The following TRIM44 variants were observed in gnomAD, a reference collection of about 807,000 sequenced individuals.
The protein encoded by TRIM44 is tripartite motif containing 44, also known as tripartite motif-containing protein 44.
Under a neutral mutation model 37.4 loss-of-function variants are expected in TRIM44, and 13 were observed. That is an observed-to-expected ratio of 0.35 (90% CI 0.23 to 0.55). TRIM44 has a LOEUF of 0.55. Ranked by LOEUF, TRIM44 falls within the 20% of genes least tolerant of loss-of-function variation. The pLI, the probability that TRIM44 is intolerant of heterozygous loss-of-function variation, is 0.89. For synonymous variants in TRIM44, 175 were observed against 157.2 expected (o/e 1.11, Z -0.85); for missense variants, 426 against 437.2 (o/e 0.97, Z 0.23).
In TRIM44 at chr11:35,817,880, ACTCCCCCT is replaced by A. The variant is rs1853597284; in HGVS notation, c.*11496_*11503del. 6.6e-6 allele frequency: 1 copy of A among 151,682 alleles called. No individual in the cohort carries two copies. The highest frequency in any genetic ancestry group is 1.5e-5 in the Non-Finnish European group (1 of 67,956). The allele number at this position is 151,682 out of a possible 1,614,324, so 9.4% of individuals were successfully genotyped here. A position where few individuals can be genotyped will look rare whatever the true frequency, so the allele number is the denominator to read the frequency against. ...TCTGCTCTGGCCATGTAAAGTGCTC[ACTCCCCCT>A]TTGCCTTCCACCATGATTGTAAGTT... is the stretch of plus-strand genomic sequence containing the variant. On this transcript the variant is annotated 3_prime_UTR_variant, in exon 5 of 5. Transcript: ENST00000299413.
chr11:35,679,053 A>G (rs1278400472), intron 1 of TRIM44, among the ~76,000 whole-genome samples: 1 of 152,110 alleles, frequency 6.6e-6, no homozygotes. Flanking sequence ...AAAACACCCC[A>G]ATACAGATAG....
intron 1 of TRIM44, among the ~76,000 whole-genome samples, chr11:35,675,547 T>C (rs931296871): frequency 6.6e-6 from 1 of 152,120 alleles, no homozygotes; most frequent in African/African-American, 2.4e-5. Context: ...CACACCCCTC[T>C]ATTTTTGTTT....
At position 35,810,929 on chromosome 11, in the gene TRIM44, A is replaced by G. The variant is rs1853521155; in HGVS notation, c.*4544A>G. On this transcript the variant is annotated 3_prime_UTR_variant, in exon 5 of 5. Coordinates refer to ENST00000299413, the MANE Select transcript of TRIM44 (RefSeq NM_017583.6). ...TCAAGGGAATTACACGTTTGGGTTA[A>G]TGTTTCAGTATATCATTTTCATACT... 6.6e-6 allele frequency: 1 copy of G among 152,210 alleles called. No homozygotes were observed. Among genetic ancestry groups the G allele is most frequent in the Non-Finnish European group, 1.5e-5 (1 of 68,034 alleles). The allele number at this position is 152,210 out of a possible 1,614,324, so 9.4% of individuals were successfully genotyped here. A position where few individuals can be genotyped will look rare whatever the true frequency, so the allele number is the denominator to read the frequency against.
intron 4 of TRIM44, among the ~76,000 whole-genome samples, chr11:35,780,086 T>C (rs1853041210): frequency 6.6e-6 from 1 of 152,146 alleles, no homozygotes; most frequent in Non-Finnish European, 1.5e-5. Context: ...TTTAGCTATC[T>C]GGGCTCCTTT....
At chr11:35,672,039 G>A (rs1228148152) in intron 1 of TRIM44, among the ~76,000 whole-genome samples, 1 of 152,108 alleles carries the variant, frequency 6.6e-6, no homozygotes, top group East Asian at 1.9e-4. Context: ...TCTGGCTTAT[G>A]GATTTATTCA....
chr11:35,751,341 T>C (rs902219235), intron 4 of TRIM44, among the ~76,000 whole-genome samples: 3 of 152,212 alleles, frequency 2.0e-5, no homozygotes, highest in Non-Finnish European at 2.9e-5. Context: ...ATCTAACGAA[T>C]AGTAATTTTT....
At chr11:35,757,359 C>T (rs549437775) in intron 4 of TRIM44, among the ~76,000 whole-genome samples, 2 of 152,174 alleles carry the variant, frequency 1.3e-5, no homozygotes, top group Non-Finnish European at 2.9e-5. Flanking sequence ...TCCCCTTTAT[C>T]ATTTTTTATT....
chr11:35,764,598 C>T (rs148130832), intron 4 of TRIM44, among the ~76,000 whole-genome samples: 1 of 152,256 alleles, frequency 6.6e-6, no homozygotes. Flanking sequence ...ACACCATGAC[C>T]TTTGGCAGAA....
chr11:35,815,355 T>C lies in TRIM44; in HGVS notation c.*8970T>C, dbSNP rs1853570223. 1 of 152,152 alleles carries C rather than the reference T, an allele frequency of 6.6e-6. No individual in the cohort carries two copies. The highest frequency in any genetic ancestry group is 6.6e-5 in the Admixed American group (1 of 15,254). The allele number at this position is 152,152 out of a possible 1,614,324, so 9.4% of individuals were successfully genotyped here. A position where few individuals can be genotyped will look rare whatever the true frequency, so the allele number is the denominator to read the frequency against. ...TGGATGGCTGTATCCTAGTATGAAA[T>C]TCAGCTTCTAAGTAGGAAGAACTAT... is the stretch of plus-strand genomic sequence containing the variant. On this transcript the variant is annotated 3_prime_UTR_variant, in exon 5 of 5. Coordinates refer to ENST00000299413, the MANE Select transcript of TRIM44 (RefSeq NM_017583.6).
intron 4 of TRIM44, among the ~76,000 whole-genome samples, chr11:35,750,677 C>T (rs754433953): frequency 6.6e-6 from 1 of 152,060 alleles, no homozygotes; most frequent in Non-Finnish European, 1.5e-5. Context: ...GCTTTTTCTC[C>T]ACTAGATGTT....
chr11:35,759,958 G>A (rs1012684289), intron 4 of TRIM44, among the ~76,000 whole-genome samples: 9 of 152,196 alleles, frequency 5.9e-5, no homozygotes, highest in Admixed American at 5.2e-4. Flanking sequence ...CCCACTTGAG[G>A]CAGTCTGTCT....
intron 4 of TRIM44, among the ~76,000 whole-genome samples, chr11:35,772,291 G>T (rs976137252): frequency 4.6e-5 from 7 of 152,232 alleles, no homozygotes; most frequent in Admixed American, 6.5e-5. Context: ...CAGTGCAGAA[G>T]AGAAATGTGG....
chr11:35,756,848 G>A (rs1306844886), intron 4 of TRIM44, among the ~76,000 whole-genome samples: 2 of 152,178 alleles, frequency 1.3e-5, no homozygotes, highest in Non-Finnish European at 2.9e-5. Flanking sequence ...GCATCCCAGG[G>A]ATGAAGCCCA....
intron 4 of TRIM44, among the ~76,000 whole-genome samples, chr11:35,757,477 G>T (rs553649358): frequency 6.6e-6 from 1 of 152,176 alleles, no homozygotes; most frequent in East Asian, 1.9e-4. Flanking sequence ...TTTTTGAAGG[G>T]TTTTTTATGT....
intron 2 of TRIM44, 147 bp downstream of exon 2, chr11:35,685,483 T>C: frequency 1.5e-6 from 1 of 655,024 alleles, no homozygotes; most frequent in Non-Finnish European, 2.7e-6. Context: ...TGTCCTGATA[T>C]GCCTAGAGAT....
chr11:35,716,592 TG>T (rs1852041826), intron 2 of TRIM44, among the ~76,000 whole-genome samples: 1 of 152,196 alleles, frequency 6.6e-6, no homozygotes, highest in African/African-American at 2.4e-5. Flanking sequence ...CACTGTTTTT[TG>T]CAGGGCCCTT....
chr11:35,670,587 A>G (rs925397796), intron 1 of TRIM44, among the ~76,000 whole-genome samples: 2 of 152,174 alleles, frequency 1.3e-5, no homozygotes, highest in Admixed American at 6.5e-5. Flanking sequence ...GATTTGCTTC[A>G]TTCTTCATGT....
intron 2 of TRIM44, among the ~76,000 whole-genome samples, chr11:35,717,060 G>A (rs537534707): frequency 4.6e-5 from 7 of 152,280 alleles, no homozygotes; most frequent in African/African-American, 1.4e-4. Flanking sequence ...CTGATGGTTT[G>A]GATAATAGAA....
Position 35,663,268 on chromosome 11 carries a change from C to T in TRIM44, c.157C>T (p.Leu53Phe), listed in dbSNP as rs771148633. ...TGCCGAGGCGCACAGGCAGAAGTTC[C>T]TCAGTCACCATCTGGCCGAATACGT... ...RHAEAHRQKF[L>F]SHHLAEYVHG... The change falls in exon 1 of 5, where the codon CTC (leucine) becomes TTC (phenylalanine). Residue 53 changes from leucine to phenylalanine, a missense_variant. Leu to Phe is a conservative substitution (Grantham distance 22). Coordinates refer to ENST00000299413, the MANE Select transcript of TRIM44 (RefSeq NM_017583.6). 8 of 1,612,822 alleles carry T rather than the reference C, an allele frequency of 5.0e-6. No homozygotes were observed. The highest frequency in any genetic ancestry group is 6.8e-6 in the Non-Finnish European group (8 of 1,178,886).
Sources: gnomAD v4.1 joint callset for allele counts (sites outside exome capture counted in the v4.1 genomes callset) on GRCh38, gnomAD v4.1.1 for gene constraint, MANE v1.5 for transcripts, NCBI Gene and HGNC (gene_info 2026-07-23, HGNC 2026-07-21) for gene names.